The following DOCK2 variants were observed in gnomAD, a reference collection of about 807,000 sequenced individuals.
DOCK2 encodes dedicator of cytokinesis 2.
A neutral mutation model predicts 248.9 loss-of-function variants in DOCK2; 87 were observed. The observed-to-expected ratio is 0.35, with a 90% CI of 0.29 to 0.42. The LOEUF is 0.42. Among genes scored for constraint, DOCK2 ranks in the 10% least tolerant of loss-of-function variants. The pLI, the probability that DOCK2 is intolerant of heterozygous loss-of-function variation, is 1.00. For missense variants in DOCK2, 1,747 were observed against 2,300.2 expected, an observed-to-expected ratio of 0.76 and a Z score of 4.92; for synonymous variants, 805 against 821.6, an observed-to-expected ratio of 0.98 and a Z score of 0.35.
intron 34 of DOCK2, 124 bp downstream of exon 34, chr5:170,028,072 G>A (rs975270759): frequency 2.8e-6 from 2 of 725,436 alleles, no homozygotes; most frequent in Admixed American, 3.4e-5. Context: ...AGGCTCATGG[G>A]TATTGGCAAA....
At chr5:169,868,392 A>G (rs1284558547) in intron 27 of DOCK2, among the ~76,000 whole-genome samples, 3 of 152,262 alleles carry the variant, frequency 2.0e-5, no homozygotes, top group Non-Finnish European at 4.4e-5. Flanking sequence ...CTCTGACTTC[A>G]TAATTCAAAT....
At chr5:169,738,025 G>A (rs557029504) in intron 22 of DOCK2, among the ~76,000 whole-genome samples, 2 of 152,250 alleles carry the variant, frequency 1.3e-5, no homozygotes, top group South Asian at 4.1e-4. Context: ...TCACCCAATA[G>A]GATCTGACTC....
intron 27 of DOCK2, among the ~76,000 whole-genome samples, chr5:169,953,045 C>T (rs1776726585): frequency 2.0e-5 from 3 of 152,092 alleles, no homozygotes; most frequent in Admixed American, 2.0e-4. Flanking sequence ...AATTTGGGGC[C>T]AGGCACGGTG....
rs772249692 is a variant in DOCK2 at position 169,761,523 on chromosome 5, C to T, written c.2452C>T (p.Leu818Phe). The change falls in exon 25 of 52, where the codon CTC becomes TTC. Residue 818 changes from leucine (L) to phenylalanine (F), a missense_variant. By Grantham distance (22) the Leu-to-Phe change is conservative. Coordinates refer to ENST00000520908, the MANE Select transcript of DOCK2 (RefSeq NM_004946.3). ...TCCTATTTTTCCTGCCCTCAGCCAACTCCTGTATGAGTTCTACACCTGCAT... is the reference window on the plus strand; with the variant it reads ...TCCTATTTTTCCTGCCCTCAGCCAATTCCTGTATGAGTTCTACACCTGCAT... ...MVFDAKLLSQ[L>F]LYEFYTCIPP... is the part of the protein sequence containing the mutation. 2 of 1,613,752 alleles carry T rather than the reference C, an allele frequency of 1.2e-6. No homozygotes were observed. The highest frequency in any genetic ancestry group is 2.2e-5 in the South Asian group (2 of 91,042).
At chr5:169,880,925 A>G (rs569943206) in intron 27 of DOCK2, among the ~76,000 whole-genome samples, 4 of 152,358 alleles carry the variant, frequency 2.6e-5, no homozygotes, top group East Asian at 3.9e-4. Context: ...GTGCCAAGTA[A>G]GGGCTTGGCA....
chr5:169,700,566 A>T (rs1289148738), intron 13 of DOCK2, among the ~76,000 whole-genome samples: 1 of 151,562 alleles, frequency 6.6e-6, no homozygotes, highest in Non-Finnish European at 1.5e-5. Flanking sequence ...ATTTGTGTTC[A>T]TTGTAAAATA....
chr5:169,837,125 T>C (rs1274814752), intron 26 of DOCK2, among the ~76,000 whole-genome samples: 1 of 151,958 alleles, frequency 6.6e-6, no homozygotes, highest in Non-Finnish European at 1.5e-5. Flanking sequence ...AAGACTTCAT[T>C]TGAAGTCCCT....
Position 169,764,994 on chromosome 5 carries a change from C to A in DOCK2, c.2554+3369C>A, listed in dbSNP as rs1048592568. ...ACTTCATTGTTTGTGTTACTACAGG[C>A]TCCAACATAGTTACATAGTTTTGGA... On this transcript the variant is annotated intron_variant, in intron 25 of 51. Coordinates refer to ENST00000520908, the MANE Select transcript of DOCK2 (RefSeq NM_004946.3). This position sits in a 1 kb window ranked among gnomAD's most constrained non-coding sequence, Gnocchi z 4.3. Among the ~76,000 whole-genome samples, 1 of 151,810 alleles carries A rather than the reference C, an allele frequency of 6.6e-6. No homozygotes were observed. Among genetic ancestry groups the A allele is most frequent in the African/African-American group, 2.4e-5 (1 of 41,288 alleles).
chr5:169,761,192 T>C (rs1764468164), intron 24 of DOCK2: 1 of 172,098 alleles, frequency 5.8e-6, no homozygotes, highest in East Asian at 1.5e-4. Flanking sequence ...TTCTAACTTA[T>C]AAAATTGGGA....
At chr5:169,643,531 A>G (rs139654176) in intron 1 of DOCK2, among the ~76,000 whole-genome samples, 1,716 of 152,308 alleles carry the variant, frequency 0.011, 9 homozygotes, top group Non-Finnish European at 0.018. Context: ...GCAGGTCACA[A>G]TAGGGTTCCT....
intron 25 of DOCK2, among the ~76,000 whole-genome samples, chr5:169,801,642 A>G (rs576675819): frequency 1.3e-5 from 2 of 152,122 alleles, no homozygotes; most frequent in Non-Finnish European, 2.9e-5. Flanking sequence ...CAGGGAGCCT[A>G]TGACAGCTTC....
intron 27 of DOCK2, among the ~76,000 whole-genome samples, chr5:169,886,950 C>T (rs565471574): frequency 1.9e-4 from 29 of 152,264 alleles, no homozygotes; most frequent in South Asian, 1.0e-3. Context: ...CTTCCTTAAT[C>T]CTATGACACT....
rs1762038117 is a variant in DOCK2 at position 169,718,804 on chromosome 5, T to C, written c.2267+13T>C. The C allele has an allele frequency of 6.2e-7, 1 of 1,607,612 alleles. No homozygotes were observed. On this transcript the variant is annotated intron_variant, in intron 22 of 51. Coordinates refer to ENST00000520908, the MANE Select transcript of DOCK2 (RefSeq NM_004946.3). ...CATTATTTTCACAGTGAGTACTTGTTATGTAAGAGTGATTGATTAGCTCTG... is the reference window on the plus strand; with the variant it reads ...CATTATTTTCACAGTGAGTACTTGTCATGTAAGAGTGATTGATTAGCTCTG...
intron 25 of DOCK2, chr5:169,773,322 T>C (rs1468126741): frequency 6.6e-6 from 1 of 152,158 alleles, no homozygotes; most frequent in South Asian, 2.1e-4. Context: ...AAAAAATCTG[T>C]CTTAAACTTC....
intron 27 of DOCK2, among the ~76,000 whole-genome samples, chr5:169,947,202 C>A (rs1026841633): frequency 1.3e-5 from 2 of 152,222 alleles, no homozygotes; most frequent in Admixed American, 6.5e-5. Context: ...CTCAAGCAGT[C>A]TGATAGGGGA....
At chr5:170,076,808 G>A in intron 47 of DOCK2, among the ~76,000 whole-genome samples, 1 of 152,102 alleles carries the variant, frequency 6.6e-6, no homozygotes, top group Non-Finnish European at 1.5e-5. Flanking sequence ...TTTTCCATGA[G>A]GCAGTTTGTC....
intron 27 of DOCK2, among the ~76,000 whole-genome samples, chr5:169,899,120 GAGATATT>G (rs1378090768): frequency 6.6e-6 from 1 of 152,206 alleles, no homozygotes; most frequent in African/African-American, 2.4e-5. Flanking sequence ...TGGATTAGAA[GAGATATT>G]AGACATGGTG....
At chr5:169,768,870 C>G (rs986292734) in intron 25 of DOCK2, among the ~76,000 whole-genome samples, 1 of 152,296 alleles carries the variant, frequency 6.6e-6, no homozygotes, top group Non-Finnish European at 1.5e-5. Context: ...CTACTGCCTC[C>G]CATTCCCTAC....
intron 1 of DOCK2, among the ~76,000 whole-genome samples, chr5:169,649,124 T>A (rs1757652149): frequency 6.6e-6 from 1 of 152,244 alleles, no homozygotes; most frequent in African/African-American, 2.4e-5. Flanking sequence ...TAGTTCTATT[T>A]CCCCCTGGAG....
Sources: gnomAD v4.1 joint callset for allele counts (sites outside exome capture counted in the v4.1 genomes callset) on GRCh38, gnomAD v4.1.1 for gene constraint, Gnocchi (gnomAD v3.1) non-coding constraint, MANE v1.5 for transcripts, NCBI Gene and HGNC (gene_info 2026-07-23, HGNC 2026-07-21) for gene names.